The following PSME4 variants were observed in gnomAD, a reference collection of about 807,000 sequenced individuals.
The protein encoded by PSME4 is proteasome activator subunit 4.
In PSME4, 89 loss-of-function variants were observed where a neutral mutation model predicts 253.9. The ratio of observed to expected loss-of-function variants is 0.35; its 90% CI spans 0.30 to 0.42. The LOEUF is 0.42. PSME4 is among the 10% of genes least tolerant of loss of function. The pLI is 1.00. For missense variants in PSME4, 2,014 were observed against 2,195.2 expected, an observed-to-expected ratio of 0.92 and a Z score of 1.65; for synonymous variants, 851 against 759.2, an observed-to-expected ratio of 1.12 and a Z score of -1.99.
chr2:53,869,710 T>C, intron 43 of PSME4, 172 bp from the exon 44 acceptor site: 2 of 450,798 alleles, frequency 4.4e-6, no homozygotes, highest in Non-Finnish European at 3.8e-6. Flanking sequence ...CTCAAAGAGT[T>C]TGTGGCCTCA....
Position 53,875,676 on chromosome 2 carries a change from C to G in PSME4, c.4895G>C (p.Gly1632Ala). The G allele has an allele frequency of 6.2e-7, 1 of 1,612,662 alleles. No individual in the cohort carries two copies. Among genetic ancestry groups the G allele is most frequent in the Non-Finnish European group, 8.5e-7 (1 of 1,179,128 alleles). Reference sequence around the variant, plus strand: ...AGGCACTTGATGAGGGTAAAGCAACCCCTGAGACATTAATGATAAACATAA... The same window carrying G: ...AGGCACTTGATGAGGGTAAAGCAACGCCTGAGACATTAATGATAAACATAA... ...AKLCLSLMSQGLLYPHQVPLV... is the reference protein window; with the variant it reads ...AKLCLSLMSQALLYPHQVPLV... The change falls in exon 42 of 47, where the codon GGG (glycine) becomes GCG (alanine). Residue 1632 changes from glycine to alanine, a missense_variant. By Grantham distance (60) the Gly-to-Ala change is moderately conservative. Coordinates refer to ENST00000404125, the MANE Select transcript of PSME4 (RefSeq NM_014614.3).
At chr2:53,933,448 T>C (rs1668952389) in intron 8 of PSME4, among the ~76,000 whole-genome samples, 1 of 141,864 alleles carries the variant, frequency 7.0e-6, no homozygotes, top group South Asian at 2.2e-4. Context: ...GGCACAAACA[T>C]GGTTCACTGC....
intron 43 of PSME4, 146 bp downstream of exon 43, chr2:53,874,192 TC>T: frequency 1.3e-6 from 1 of 767,452 alleles, no homozygotes; most frequent in Non-Finnish European, 2.0e-6. Flanking sequence ...ACTCCTGGCA[TC>T]AAGTGATCTC....
chr2:53,895,511 C>G, intron 33 of PSME4, 72 bp downstream of exon 33: 1 of 1,475,402 alleles, frequency 6.8e-7, no homozygotes, highest in Non-Finnish European at 9.1e-7. Flanking sequence ...CTGAACCTCC[C>G]CAGAAACCAA....
At position 53,957,794 on chromosome 2, in the gene PSME4, T is replaced by C. The variant is rs559143842; in HGVS notation, c.243-8511A>G. 8.5e-5 allele frequency among the ~76,000 whole-genome samples: 13 copies of C among 152,306 alleles called. No individual in the cohort carries two copies. The South Asian group carries it at 2.1e-3, about 24-fold the overall frequency. ...CATTATGCATCTCCTGATGACAGTA[T>C]ATAGTACCACTTATTGCACAGTCTT... is the stretch of plus-strand genomic sequence containing the variant. On this transcript the variant is annotated intron_variant, in intron 1 of 46. Coordinates refer to ENST00000404125, the MANE Select transcript of PSME4 (RefSeq NM_014614.3).
Position 53,895,626 on chromosome 2 carries a change from A to T in PSME4, c.3799T>A (p.Cys1267Ser). 6.2e-7 allele frequency: 1 copy of T among 1,613,628 alleles called. No individual in the cohort carries two copies. The highest frequency in any genetic ancestry group is 1.1e-5 in the South Asian group (1 of 90,950). The stretch of plus-strand genomic sequence containing the variant: ...CCCCAGTGAGTTTTTTCCACAAAGC[A>T]ACTTGACTCCCATTCTTTTTTAGTT... ...PRTKKEWESS[C>S]FVEKTHWGYY... The change falls in exon 33 of 47, where the codon TGC becomes AGC. Residue 1267 changes from cysteine to serine, a missense_variant. Cys to Ser is a moderately radical substitution (Grantham distance 112). Around this residue, in one of 4 missense-constraint regions of PSME4, gnomAD observed 989 missense variants for 1,021.1 expected, o/e 0.97. Coordinates refer to ENST00000404125, the MANE Select transcript of PSME4 (RefSeq NM_014614.3).
At chr2:53,943,773 C>T (rs981451690) in intron 3 of PSME4, among the ~76,000 whole-genome samples, 4 of 138,414 alleles carry the variant, frequency 2.9e-5, no homozygotes, top group African/African-American at 5.4e-5. Flanking sequence ...ACTCGGGAGG[C>T]GGAGGTTGCG....
At chr2:53,970,152 C>T (rs908814459) in intron 1 of PSME4, among the ~76,000 whole-genome samples, 1 of 152,146 alleles carries the variant, frequency 6.6e-6, no homozygotes, top group Admixed American at 6.5e-5. Context: ...AAGGAACTCC[C>T]CCAAAGACAA....
chr2:53,887,210 A>T, intron 40 of PSME4, 49 bp downstream of exon 40: 1 of 1,499,590 alleles, frequency 6.7e-7, no homozygotes, highest in Non-Finnish European at 9.3e-7. Flanking sequence ...TCTACAGGAT[A>T]ATCAAATAGA....
intron 10 of PSME4, among the ~76,000 whole-genome samples, chr2:53,928,844 T>C (rs1668688629): frequency 6.6e-6 from 1 of 152,134 alleles, no homozygotes; most frequent in South Asian, 2.1e-4. Context: ...ACTCTTTCCA[T>C]GCCAATTCCA....
chr2:53,964,283 T>A (rs1025634468), intron 1 of PSME4, among the ~76,000 whole-genome samples: 1 of 152,206 alleles, frequency 6.6e-6, no homozygotes, highest in East Asian at 1.9e-4. Context: ...AGGAACTCTA[T>A]ACTTTCCATT....
chr2:53,950,575 C>T (rs1669924978), intron 1 of PSME4, among the ~76,000 whole-genome samples: 1 of 151,924 alleles, frequency 6.6e-6, no homozygotes, highest in African/African-American at 2.4e-5. Context: ...GGCACAGTGG[C>T]TCACGCCTAT....
At chr2:53,946,533 T>C (rs1296251356) in intron 3 of PSME4, among the ~76,000 whole-genome samples, 2 of 152,334 alleles carry the variant, frequency 1.3e-5, no homozygotes, top group East Asian at 3.9e-4. Flanking sequence ...TCATGGTCCC[T>C]GTGGCAAAAA....
At chr2:53,907,915 C>T (rs805318) in intron 24 of PSME4, 79,531 of 159,966 alleles carry the variant, frequency 0.5, 20,148 homozygotes, top group East Asian at 0.7. Context: ...TCTTCCAAGG[C>T]CCCAAAGAAG....
intron 1 of PSME4, among the ~76,000 whole-genome samples, chr2:53,966,489 C>G (rs1001940934): frequency 2.6e-5 from 4 of 151,836 alleles, no homozygotes; most frequent in African/African-American, 9.7e-5. Flanking sequence ...TGGGGAAACC[C>G]TGTCTCTACT....
intron 1 of PSME4, among the ~76,000 whole-genome samples, chr2:53,965,328 A>G (rs537512241): frequency 1.3e-5 from 2 of 150,036 alleles, no homozygotes; most frequent in South Asian, 4.2e-4. Context: ...GGCTCACTGT[A>G]GCCTCTGCCT....
rs1049894 is a variant in PSME4 at position 53,866,819 on chromosome 2, G to A, written c.5325C>T (p.Tyr1775=). 0.064 allele frequency: 104,027 copies of A among 1,613,656 alleles called. 4,903 individuals are homozygous for A. The highest frequency in any genetic ancestry group is 0.25 in the African/African-American group (18,462 of 74,948). Residue 1775 remains tyrosine (Y), a synonymous_variant, in exon 45 of 47, where the codon TAC becomes TAT. Coordinates refer to ENST00000404125, the MANE Select transcript of PSME4 (RefSeq NM_014614.3). ...GCTGGGGCATCCAGGTGGGAACATC[G>A]TAAGGACTAGAAAGAACACATGCAC... is the stretch of plus-strand genomic sequence containing the variant. ...GLGACVLSSP[Y]DVPTWMPQLL... is the part of the protein sequence containing the mutation.
chr2:53,873,119 G>A lies in PSME4; in HGVS notation c.5100+1220C>T, dbSNP rs530392354. ...GCCAGGCATGGTGGCGGGCGCCTGT[G>A]GTCCCAGCTACTTGGGATGGCTGAG... is the stretch of plus-strand genomic sequence containing the variant. On this transcript the variant is annotated intron_variant, in intron 43 of 46. Transcript: ENST00000404125. Among the ~76,000 whole-genome samples, 16 of 151,686 alleles carry A rather than the reference G, an allele frequency of 1.1e-4. No homozygotes were observed. In the South Asian group the frequency reaches 2.9e-3, roughly 28 times the overall value.
chr2:53,922,362 A>G (rs970746125), intron 17 of PSME4, among the ~76,000 whole-genome samples, 155 bp downstream of exon 17: 2 of 152,208 alleles, frequency 1.3e-5, no homozygotes, highest in South Asian at 4.1e-4. Context: ...TTTGACAATA[A>G]GAGTATGACA....
Sources: allele counts gnomAD v4.1 joint callset (sites outside exome capture counted in the v4.1 genomes callset), GRCh38; gene constraint gnomAD v4.1.1; regional missense constraint gnomAD v4.1.1; transcripts MANE v1.5; gene names NCBI Gene and HGNC (gene_info 2026-07-23, HGNC 2026-07-21).